The following EXOC6B variants were observed in gnomAD, a reference collection of about 807,000 sequenced individuals.
EXOC6B encodes SEC15 homolog B.
Under a neutral mutation model 113.5 loss-of-function variants are expected in EXOC6B, and 54 were observed. That is an observed-to-expected ratio of 0.48 (90% CI 0.38 to 0.60). The LOEUF is 0.60. Among genes scored for constraint, EXOC6B ranks in the 20% least tolerant of loss-of-function variants. The pLI, the probability that EXOC6B is intolerant of heterozygous loss-of-function variation, is 0.00. For synonymous variants in EXOC6B, 357 were observed against 339.0 expected (o/e 1.05, Z -0.58); for missense variants, 797 against 977.5 (o/e 0.82, Z 2.46).
intron 19 of EXOC6B, among the ~76,000 whole-genome samples, chr2:72,352,503 T>G (rs937675579): frequency 2.6e-5 from 4 of 152,114 alleles, no homozygotes; most frequent in African/African-American, 9.7e-5. Context: ...CTCTCTCTCC[T>G]TTTCTTTCTT....
chr2:72,817,471 A>AT (rs1686315719), intron 1 of EXOC6B, among the ~76,000 whole-genome samples: 1 of 152,220 alleles, frequency 6.6e-6, no homozygotes, highest in Non-Finnish European at 1.5e-5. Flanking sequence ...TGGTGATACA[A>AT]TTTTTTAATT....
At chr2:72,737,358 A>C (rs1573715916) in intron 2 of EXOC6B, among the ~76,000 whole-genome samples, 2 of 152,264 alleles carry the variant, frequency 1.3e-5, no homozygotes, top group South Asian at 4.1e-4. Flanking sequence ...AAAATTAAAA[A>C]AAAAAAAGTT....
chr2:72,696,761 G>A (rs1288811817), intron 6 of EXOC6B, among the ~76,000 whole-genome samples: 1 of 152,084 alleles, frequency 6.6e-6, no homozygotes. Flanking sequence ...TCCTGGGGAG[G>A]CCAGAAGACA....
intron 20 of EXOC6B, among the ~76,000 whole-genome samples, chr2:72,294,931 T>C (rs1051739553): frequency 3.9e-5 from 6 of 152,090 alleles, no homozygotes; most frequent in African/African-American, 1.4e-4. Context: ...ATTAAAAATA[T>C]GTCTCTCAAA....
Position 72,179,234 on chromosome 2 carries a change from CT to C in EXOC6B, c.*100del. The C allele has an allele frequency of 7.5e-7, 1 of 1,326,938 alleles. No individual in the cohort carries two copies. The highest frequency in any genetic ancestry group is 1.5e-5 in the South Asian group (1 of 65,678). 82.2% of individuals were successfully genotyped at this position (1,326,938 alleles called of 1,614,324 possible). A position where few individuals can be genotyped will look rare whatever the true frequency, so the allele number is the denominator to read the frequency against. ...GGGTTAATAAAAAAATACATATGCT[CT>C]CTTTGAAGAAGAATGCACAAATGCA... On this transcript the variant is annotated 3_prime_UTR_variant, in exon 22 of 22. Coordinates refer to ENST00000272427, the MANE Select transcript of EXOC6B (RefSeq NM_015189.3).
Position 72,575,498 on chromosome 2 carries a change from A to C in EXOC6B, c.840T>G (p.Asp280Glu), listed in dbSNP as rs528924058. The part of the protein sequence containing the change: ...GILDVEDEED[D>E]EEVPGAQDLV... ...AACATCAAATGTTACTTACCTCTTC[A>C]TCATCTTCCTCGTCTTCAACATCCA... Residue 280 changes from aspartate to glutamate, a missense_variant, in exon 7 of 22, where the codon GAT becomes GAG. Coordinates refer to ENST00000272427, the MANE Select transcript of EXOC6B (RefSeq NM_015189.3). The C allele has an allele frequency of 6.2e-7, 1 of 1,605,676 alleles. No individual in the cohort carries two copies. The highest frequency in any genetic ancestry group is 1.3e-5 in the African/African-American group (1 of 74,430).
At position 72,648,274 on chromosome 2, in the gene EXOC6B, GA is replaced by G. The variant is rs565189742; in HGVS notation, c.669+69828del. 5.5e-3 allele frequency among the ~76,000 whole-genome samples: 845 copies of G among 152,278 alleles called. 7 individuals are homozygous for G. Among genetic ancestry groups the G allele is most frequent in the African/African-American group, 0.02 (817 of 41,562 alleles). ...GGAATGGCGATCATTTAAAAGTCAG[GA>G]AACAACAGATGCTAGAGAGGATGTG... is the stretch of plus-strand genomic sequence containing the variant. On this transcript the variant is annotated intron_variant, in intron 6 of 21. Transcript: ENST00000272427.
intron 6 of EXOC6B, among the ~76,000 whole-genome samples, chr2:72,691,602 A>G (rs1427945550): frequency 6.6e-6 from 1 of 152,064 alleles, no homozygotes; most frequent in East Asian, 1.9e-4. Context: ...ATGGGTAAAA[A>G]AAATTTAACA....
At chr2:72,671,783 G>GAA (rs201206198) in intron 6 of EXOC6B, among the ~76,000 whole-genome samples, 172 of 106,168 alleles carry the variant, frequency 1.6e-3, no homozygotes, top group African/African-American at 7.1e-3. Flanking sequence ...AAGAAAGAAA[G>GAA]AAAGAAAGAA....
chr2:72,794,109 C>T (rs1358574409), intron 1 of EXOC6B, among the ~76,000 whole-genome samples: 1 of 152,164 alleles, frequency 6.6e-6, no homozygotes. Flanking sequence ...TCACATTAAT[C>T]GTCATATATA....
rs1553464076 is a variant in EXOC6B, at chr2:72,671,791, G to GAAAGAAAGAAAGAA, written c.669+46298_669+46311dup. 4.4e-3 allele frequency among the ~76,000 whole-genome samples: 476 copies of GAAAGAAAGAAAGAA among 107,286 alleles called. 6 individuals carry two copies. Among genetic ancestry groups the GAAAGAAAGAAAGAA allele is most frequent in the African/African-American group, 0.016 (370 of 23,434 alleles). The allele number at this position is 107,286 out of a possible 152,430, so 70.4% of individuals were successfully genotyped here. On this transcript the variant is annotated intron_variant, in intron 6 of 21. Transcript: ENST00000272427. ...AGAAAGAAAGAAAGAAAGAAAGAAA[G>GAAAGAAAGAAAGAA]AAAGAAAGAAAGAAAGAAAGAAAGA...
intron 20 of EXOC6B, among the ~76,000 whole-genome samples, chr2:72,210,223 C>T (rs375497775): frequency 1.3e-5 from 2 of 152,122 alleles, no homozygotes; most frequent in African/African-American, 4.8e-5. Context: ...TCATGCAAAA[C>T]GCTGTGAGGA....
At chr2:72,289,551 G>C (rs1453157456) in intron 20 of EXOC6B, among the ~76,000 whole-genome samples, 1 of 152,108 alleles carries the variant, frequency 6.6e-6, no homozygotes, top group South Asian at 2.1e-4. Context: ...GTGTGTATGT[G>C]TGTGTGTATT....
At chr2:72,409,410 A>G (rs1364882918) in intron 18 of EXOC6B, among the ~76,000 whole-genome samples, 1 of 152,148 alleles carries the variant, frequency 6.6e-6, no homozygotes, top group African/African-American at 2.4e-5. Flanking sequence ...ATAAAGACAC[A>G]TGCCCATGTA....
At chr2:72,545,750 A>T (rs1288438117) in intron 8 of EXOC6B, among the ~76,000 whole-genome samples, 1 of 152,228 alleles carries the variant, frequency 6.6e-6, no homozygotes, top group African/African-American at 2.4e-5. Context: ...CTACTACAAA[A>T]GTATCTTAAG....
intron 17 of EXOC6B, among the ~76,000 whole-genome samples, chr2:72,468,527 G>A (rs769906666): frequency 4.6e-5 from 7 of 152,102 alleles, no homozygotes; most frequent in Admixed American, 2.0e-4. Context: ...CCAGAATCAC[G>A]CTATCTTGAT....
At chr2:72,737,163 C>T (rs1432939319) in intron 2 of EXOC6B, among the ~76,000 whole-genome samples, 1 of 151,754 alleles carries the variant, frequency 6.6e-6, no homozygotes. Flanking sequence ...ACGGCAAAAC[C>T]TCCTCTCTAC....
chr2:72,678,561 C>G (rs963602719), intron 6 of EXOC6B, among the ~76,000 whole-genome samples: 1 of 152,100 alleles, frequency 6.6e-6, no homozygotes, highest in South Asian at 2.1e-4. Flanking sequence ...CAAAAATTAG[C>G]CAGGTATGCT....
At chr2:72,703,860 C>T (rs1400352637) in intron 6 of EXOC6B, among the ~76,000 whole-genome samples, 8 of 147,852 alleles carry the variant, frequency 5.4e-5, no homozygotes, top group African/African-American at 1.3e-4. Flanking sequence ...ACAATCATGT[C>T]GTCTGCAAAC....
Sources: allele counts gnomAD v4.1 joint callset (sites outside exome capture counted in the v4.1 genomes callset), GRCh38; gene constraint gnomAD v4.1.1; transcripts MANE v1.5; gene names NCBI Gene and HGNC (gene_info 2026-07-23, HGNC 2026-07-21).